Variants in CACNA2D3 observed in about 807,000 individuals in gnomAD.
CACNA2D3 encodes calcium voltage-gated channel auxiliary subunit alpha2delta 3, also known as voltage-dependent calcium channel subunit alpha-2/delta-3.
In CACNA2D3, 60 loss-of-function variants were observed where a neutral mutation model predicts 160.6. The observed-to-expected ratio is 0.37, with a 90% CI of 0.30 to 0.46. The LOEUF (loss-of-function observed/expected upper bound fraction) is 0.46, where lower values mean the gene tolerates loss of function less well. CACNA2D3 is among the 20% of genes least tolerant of loss of function. The pLI is 1.00. For missense variants in CACNA2D3, 1,205 were observed against 1,365.0 expected (o/e 0.88, Z 1.85); for synonymous variants, 558 against 492.9 (o/e 1.13, Z -1.75).
chr3:54,383,601 A>C (rs1387184049), intron 3 of CACNA2D3, among the ~76,000 whole-genome samples: 2 of 152,238 alleles, frequency 1.3e-5, no homozygotes, highest in African/African-American at 4.8e-5. Context: ...AAGTTTAAAA[A>C]AAGACATGCA....
chr3:54,548,792 C>G (rs924508775), intron 5 of CACNA2D3, among the ~76,000 whole-genome samples: 2 of 152,160 alleles, frequency 1.3e-5, no homozygotes, highest in South Asian at 2.1e-4. Context: ...AAAGGCATTC[C>G]TTTACCCTCC....
intron 4 of CACNA2D3, among the ~76,000 whole-genome samples, chr3:54,410,167 G>T (rs1699641683): frequency 6.6e-6 from 1 of 152,044 alleles, no homozygotes; most frequent in Admixed American, 6.5e-5. Flanking sequence ...TGGCCAACAT[G>T]GTGAAACCCC....
At chr3:54,225,406 T>C (rs1433968568) in intron 2 of CACNA2D3, among the ~76,000 whole-genome samples, 1 of 152,252 alleles carries the variant, frequency 6.6e-6, no homozygotes, top group Non-Finnish European at 1.5e-5. Flanking sequence ...CGGTTCTCTT[T>C]CTCATTTCCC....
Position 54,779,146 on chromosome 3 carries a change from G to A in CACNA2D3, c.1380+14795G>A, listed in dbSNP as rs562992541. 2.0e-5 allele frequency among the ~76,000 whole-genome samples: 3 copies of A among 152,046 alleles called. No homozygotes were observed. In the South Asian group the frequency reaches 6.2e-4, roughly 32 times the overall value. ...AGAGTCTCCTTCTGTTGCCCAGGCT[G>A]GAGTGCAGTGGCACAACCTCAGCTC... is the stretch of plus-strand genomic sequence containing the variant. On this transcript the variant is annotated intron_variant, in intron 13 of 37. Transcript: ENST00000474759.
At chr3:54,990,334 C>T (rs570384279) in intron 31 of CACNA2D3, among the ~76,000 whole-genome samples, 1 of 152,268 alleles carries the variant, frequency 6.6e-6, no homozygotes, top group African/African-American at 2.4e-5. Flanking sequence ...AGTTCAAGAC[C>T]AGCCTGGCCA....
intron 2 of CACNA2D3, chr3:54,177,695 A>T (rs998274576): frequency 2.0e-5 from 3 of 152,156 alleles, no homozygotes; most frequent in Non-Finnish European, 4.4e-5. Flanking sequence ...ATGCTGTGTG[A>T]TGGGTGCGGA....
intron 29 of CACNA2D3, 146 bp downstream of exon 29, chr3:54,969,990 A>G: frequency 1.7e-6 from 1 of 595,876 alleles, no homozygotes; most frequent in South Asian, 2.8e-5. Flanking sequence ...CATTTGCTTT[A>G]TTTGCTTTGT....
intron 29 of CACNA2D3, among the ~76,000 whole-genome samples, chr3:54,983,051 A>C (rs1315539314): frequency 1.3e-5 from 2 of 152,162 alleles, no homozygotes; most frequent in Non-Finnish European, 2.9e-5. Context: ...CCAGCCTCTA[A>C]AGATGGAATT....
intron 4 of CACNA2D3, among the ~76,000 whole-genome samples, chr3:54,457,619 G>T (rs1188763817): frequency 6.6e-6 from 1 of 151,856 alleles, no homozygotes; most frequent in Non-Finnish European, 1.5e-5. Flanking sequence ...TTGATTTTCT[G>T]TATAGATGAT....
intron 10 of CACNA2D3, among the ~76,000 whole-genome samples, chr3:54,641,316 T>A (rs1175838868): frequency 1.3e-5 from 2 of 152,252 alleles, no homozygotes; most frequent in South Asian, 2.1e-4. Flanking sequence ...ATTCAAAGAT[T>A]TCTGACTGGC....
At chr3:54,280,291 G>C (rs7637180) in intron 2 of CACNA2D3, among the ~76,000 whole-genome samples, 75,057 of 151,736 alleles carry the variant, frequency 0.49, 19,312 homozygotes, top group East Asian at 0.82. Context: ...CCATGTTAGC[G>C]AGGATGGTCT....
intron 27 of CACNA2D3, among the ~76,000 whole-genome samples, chr3:54,914,007 T>C (rs1284510970): frequency 6.6e-6 from 1 of 152,186 alleles, no homozygotes; most frequent in Non-Finnish European, 1.5e-5. Context: ...ATACTTAGTA[T>C]AATAATGTCA....
chr3:54,148,396 C>G (rs1477484497), intron 2 of CACNA2D3, among the ~76,000 whole-genome samples: 1 of 152,108 alleles, frequency 6.6e-6, no homozygotes. Flanking sequence ...TGCAGGAGAC[C>G]TCAAAAAGGT....
chr3:54,238,079 A>T (rs1487909008), intron 2 of CACNA2D3, among the ~76,000 whole-genome samples: 1 of 152,160 alleles, frequency 6.6e-6, no homozygotes, highest in Admixed American at 6.5e-5. Flanking sequence ...CTTGAAAAAC[A>T]CTGCTGCATA....
intron 2 of CACNA2D3, among the ~76,000 whole-genome samples, chr3:54,185,554 G>T (rs1261807011): frequency 1.3e-5 from 2 of 152,010 alleles, no homozygotes; most frequent in African/African-American, 2.4e-5. Flanking sequence ...GTTTATTCAC[G>T]AACATATTAT....
chr3:54,868,344 A>G (rs1298295013), intron 17 of CACNA2D3, among the ~76,000 whole-genome samples: 1 of 152,188 alleles, frequency 6.6e-6, no homozygotes, highest in Non-Finnish European at 1.5e-5. Flanking sequence ...AGTGTTCCAG[A>G]GGAAGTATCC....
chr3:54,386,669 A>G (rs1222980907), intron 3 of CACNA2D3, 46 bp from the exon 4 acceptor site: 1 of 1,515,770 alleles, frequency 6.6e-7, no homozygotes, highest in Admixed American at 2.1e-5. Context: ...TCAGGCCACA[A>G]TTCTGATCCT....
intron 4 of CACNA2D3, among the ~76,000 whole-genome samples, chr3:54,470,068 G>A (rs1039805224): frequency 3.3e-5 from 5 of 152,120 alleles, no homozygotes; most frequent in Admixed American, 6.5e-5. Context: ...TCAAATTTAG[G>A]AAATACAGAG....
chr3:54,695,440 C>A (rs761091949), intron 11 of CACNA2D3, among the ~76,000 whole-genome samples: 4 of 147,414 alleles, frequency 2.7e-5, no homozygotes, highest in Non-Finnish European at 4.5e-5. Context: ...CAAGTTGTTT[C>A]TAGGATGCAT....
Sources: gnomAD v4.1 joint callset for allele counts (sites outside exome capture counted in the v4.1 genomes callset) on GRCh38, gnomAD v4.1.1 for gene constraint, MANE v1.5 for transcripts, NCBI Gene and HGNC (gene_info 2026-07-23, HGNC 2026-07-21) for gene names.